The following GABRB1 variants were observed in gnomAD, a reference collection of about 807,000 sequenced individuals.
GABRB1 encodes gamma-aminobutyric acid receptor subunit beta-1.
GABRB1 carries 17 observed loss-of-function variants against 51.6 expected under a neutral mutation model. The observed-to-expected ratio is 0.33, with a 90% CI of 0.23 to 0.49. The LOEUF (loss-of-function observed/expected upper bound fraction) is 0.49. Ranked by LOEUF, GABRB1 falls within the 20% of genes least tolerant of loss-of-function variation. GABRB1 has a pLI of 0.99. For synonymous variants in GABRB1, 247 were observed against 218.9 expected (o/e 1.13, Z -1.14); for missense variants, 410 against 600.6 (o/e 0.68, Z 3.32).
At chr4:47,384,911 G>A (rs999928957) in intron 5 of GABRB1, among the ~76,000 whole-genome samples, 3 of 152,002 alleles carry the variant, frequency 2.0e-5, no homozygotes, top group Non-Finnish European at 2.9e-5. Context: ...AATAGATTAG[G>A]CATTCTTAAC....
intron 3 of GABRB1, among the ~76,000 whole-genome samples, chr4:47,142,840 T>C (rs908234816): frequency 1.3e-5 from 2 of 151,890 alleles, no homozygotes; most frequent in Non-Finnish European, 2.9e-5. Flanking sequence ...ATGTGAAAAG[T>C]AAATAATTGC....
chr4:47,234,512 C>A (rs2109839703), intron 4 of GABRB1, among the ~76,000 whole-genome samples: 1 of 151,924 alleles, frequency 6.6e-6, no homozygotes, highest in African/African-American at 2.4e-5. Context: ...TGCTACACTT[C>A]CCTCAGCTTC....
intron 5 of GABRB1, among the ~76,000 whole-genome samples, chr4:47,341,723 C>A (rs1370080242): frequency 1.3e-5 from 2 of 152,088 alleles, no homozygotes; most frequent in Non-Finnish European, 2.9e-5. Flanking sequence ...AAATTCTGAA[C>A]CAAAGTGTCT....
intron 5 of GABRB1, among the ~76,000 whole-genome samples, chr4:47,386,549 G>C (rs919348925): frequency 1.3e-5 from 2 of 152,086 alleles, no homozygotes; most frequent in Non-Finnish European, 2.9e-5. Context: ...GTGATCTTTG[G>C]CTAGCAATGT....
chr4:47,148,569 G>A (rs1378989994), intron 3 of GABRB1, among the ~76,000 whole-genome samples: 1 of 151,938 alleles, frequency 6.6e-6, no homozygotes, highest in Admixed American at 6.6e-5. Context: ...ACTGAGAAGC[G>A]GTAAAATACT....
intron 4 of GABRB1, among the ~76,000 whole-genome samples, chr4:47,185,665 A>G (rs572420044): frequency 6.6e-6 from 1 of 151,948 alleles, no homozygotes; most frequent in Admixed American, 6.6e-5. Flanking sequence ...TAAATATTCA[A>G]TCTCCTAGTG....
intron 4 of GABRB1, among the ~76,000 whole-genome samples, chr4:47,184,903 A>G (rs541057133): frequency 2.0e-5 from 3 of 151,950 alleles, no homozygotes; most frequent in Non-Finnish European, 4.4e-5. Flanking sequence ...GAGTAGCTGC[A>G]AAACAGGTCA....
chr4:47,233,381 A>G, intron 4 of GABRB1, among the ~76,000 whole-genome samples: 1 of 152,282 alleles, frequency 6.6e-6, no homozygotes, highest in East Asian at 1.9e-4. Context: ...ACATATAAAG[A>G]GGTTAATGAG....
intron 3 of GABRB1, among the ~76,000 whole-genome samples, chr4:47,051,545 C>A (rs1355174064): frequency 6.6e-6 from 1 of 152,130 alleles, no homozygotes; most frequent in Non-Finnish European, 1.5e-5. Context: ...TTCTCCACTT[C>A]CTCATAAAGG....
At chr4:47,422,757 A>G (rs1729131154) in intron 8 of GABRB1, among the ~76,000 whole-genome samples, 2 of 152,190 alleles carry the variant, frequency 1.3e-5, no homozygotes, top group Admixed American at 1.3e-4. Context: ...TGCCTAATGT[A>G]TATCACAAAT....
intron 4 of GABRB1, among the ~76,000 whole-genome samples, chr4:47,224,846 T>A (rs1156554214): frequency 6.6e-6 from 1 of 152,114 alleles, no homozygotes; most frequent in African/African-American, 2.4e-5. Flanking sequence ...ACTAAAATAA[T>A]CTTCTTGGCT....
chr4:47,366,109 C>A (rs746423838), intron 5 of GABRB1, among the ~76,000 whole-genome samples: 3 of 152,148 alleles, frequency 2.0e-5, no homozygotes, highest in Non-Finnish European at 2.9e-5. Flanking sequence ...CTCATACTAC[C>A]CATAGACTCA....
At chr4:47,162,220 T>C (rs2109739270) in intron 4 of GABRB1, among the ~76,000 whole-genome samples, 1 of 152,118 alleles carries the variant, frequency 6.6e-6, no homozygotes. Context: ...TAATCCAAGA[T>C]TGGTGGTTAA....
At chr4:47,139,536 T>C (rs1716823414) in intron 3 of GABRB1, among the ~76,000 whole-genome samples, 1 of 152,026 alleles carries the variant, frequency 6.6e-6, no homozygotes, top group Non-Finnish European at 1.5e-5. Flanking sequence ...CTGGAGAACC[T>C]GACAAAATGC....
At chr4:47,194,350 T>C (rs1719561247) in intron 4 of GABRB1, among the ~76,000 whole-genome samples, 1 of 152,218 alleles carries the variant, frequency 6.6e-6, no homozygotes, top group South Asian at 2.1e-4. Flanking sequence ...TTTCATTGGC[T>C]ACACTCTATT....
chr4:47,225,717 C>T (rs1720921272), intron 4 of GABRB1, among the ~76,000 whole-genome samples: 1 of 152,102 alleles, frequency 6.6e-6, no homozygotes, highest in Non-Finnish European at 1.5e-5. Flanking sequence ...TAGAATATAA[C>T]TCCATTTATA....
At chr4:47,122,309 G>T (rs1715811786) in intron 3 of GABRB1, among the ~76,000 whole-genome samples, 1 of 152,114 alleles carries the variant, frequency 6.6e-6, no homozygotes, top group East Asian at 1.9e-4. Context: ...TTTTCAGACT[G>T]TTTAGTTCAT....
At chr4:47,156,826 G>C (rs1002743318) in intron 3 of GABRB1, among the ~76,000 whole-genome samples, 1 of 151,926 alleles carries the variant, frequency 6.6e-6, no homozygotes, top group Non-Finnish European at 1.5e-5. Context: ...AAATTAGGCA[G>C]ACATGGTGGT....
intron 4 of GABRB1, among the ~76,000 whole-genome samples, chr4:47,318,474 G>A (rs1196713812): frequency 6.6e-6 from 1 of 151,976 alleles, no homozygotes; most frequent in Non-Finnish European, 1.5e-5. Context: ...CCAGCCTTCT[G>A]TGACTGATGG....
Sources: gnomAD v4.1 joint callset for allele counts (sites outside exome capture counted in the v4.1 genomes callset) on GRCh38, gnomAD v4.1.1 for gene constraint, MANE v1.5 for transcripts, NCBI Gene and HGNC (gene_info 2026-07-23, HGNC 2026-07-21) for gene names.